The following TCF4 variants were observed in gnomAD, a reference collection of about 807,000 sequenced individuals.
TCF4 encodes the protein transcription factor 4.
Under a neutral mutation model 82.1 loss-of-function variants are expected in TCF4, and 3 were observed. The ratio of observed to expected loss-of-function variants is 0.04; its 90% CI spans 0.02 to 0.09. The LOEUF is 0.09. Ranked by LOEUF, TCF4 falls within the 10% of genes least tolerant of loss-of-function variation. The probability of loss-of-function intolerance (pLI) is 1.00; values close to 1 mark genes in which losing one functional copy is unlikely to be tolerated. For missense variants in TCF4, 518 were observed against 852.7 expected, an observed-to-expected ratio of 0.61 and a Z score of 4.89; for synonymous variants, 276 against 309.6, an observed-to-expected ratio of 0.89 and a Z score of 1.14.
rs748190015 is a variant in TCF4, at chr18:55,227,336, A to G, written c.*699T>C. The G allele has an allele frequency of 6.7e-6, 1 of 150,288 alleles. No individual in the cohort carries two copies. The highest frequency in any genetic ancestry group is 1.5e-5 in the Non-Finnish European group (1 of 67,648). 9.3% of individuals were successfully genotyped at this position (150,288 alleles called of 1,614,324 possible). A position where few individuals can be genotyped will look rare whatever the true frequency, so the allele number is the denominator to read the frequency against. On this transcript the variant is annotated 3_prime_UTR_variant, in exon 20 of 20. Transcript: ENST00000354452. Reference sequence around the variant, plus strand: ...TTTTTTACAGGAGAAAAAAGTCTGAAACAAATGAACAAAAGCTTACCATAG... The same window carrying G: ...TTTTTTACAGGAGAAAAAAGTCTGAGACAAATGAACAAAAGCTTACCATAG...
At chr18:55,459,355 T>A (rs1344011335) in intron 5 of TCF4, among the ~76,000 whole-genome samples, 4 of 152,262 alleles carry the variant, frequency 2.6e-5, no homozygotes, top group African/African-American at 9.6e-5. Flanking sequence ...CTGTTTGTAC[T>A]GCTTGGTGTA....
At chr18:55,338,332 C>T (rs2079086105) in intron 8 of TCF4, among the ~76,000 whole-genome samples, 1 of 152,176 alleles carries the variant, frequency 6.6e-6, no homozygotes, top group Admixed American at 6.5e-5. Context: ...AGAGAGATGG[C>T]AAGCGTGCCA....
chr18:55,597,181 C>A (rs1358895831), intron 2 of TCF4, among the ~76,000 whole-genome samples: 4 of 152,132 alleles, frequency 2.6e-5, no homozygotes, highest in Non-Finnish European at 4.4e-5. Context: ...AATTAAACTT[C>A]TTTTCTTCAT....
chr18:55,359,989 G>T (rs568426568), intron 6 of TCF4, among the ~76,000 whole-genome samples: 108 of 152,282 alleles, frequency 7.1e-4, no homozygotes, highest in African/African-American at 2.6e-3. Context: ...TTCACCCAAA[G>T]GGCCCGGTTC....
At chr18:55,294,706 A>C (rs1380675316) in intron 8 of TCF4, among the ~76,000 whole-genome samples, 3 of 152,206 alleles carry the variant, frequency 2.0e-5, no homozygotes, top group African/African-American at 7.2e-5. Flanking sequence ...CAAGAAACTC[A>C]TCGATGTAGA....
chr18:55,417,410 G>T (rs2094561372), intron 5 of TCF4, among the ~76,000 whole-genome samples: 1 of 152,158 alleles, frequency 6.6e-6, no homozygotes, highest in South Asian at 2.1e-4. Context: ...GTGATCATTG[G>T]ATTAGGGCAT....
chr18:55,254,041 A>G (rs1175899565), intron 15 of TCF4, among the ~76,000 whole-genome samples: 4 of 152,246 alleles, frequency 2.6e-5, no homozygotes, highest in Non-Finnish European at 5.9e-5. Flanking sequence ...ACTATTTGAC[A>G]ATAAAAATGA....
chr18:55,236,474 A>G (rs1356080677), intron 15 of TCF4, among the ~76,000 whole-genome samples: 1 of 150,222 alleles, frequency 6.7e-6, no homozygotes. Context: ...TTTTAAACAT[A>G]TTCAACCCTG....
chr18:55,439,769 C>G (rs535658160), intron 5 of TCF4, among the ~76,000 whole-genome samples: 2 of 152,352 alleles, frequency 1.3e-5, no homozygotes, highest in South Asian at 2.1e-4. Context: ...GTCACCGAGG[C>G]AAGAGTATAA....
intron 6 of TCF4, among the ~76,000 whole-genome samples, chr18:55,403,004 A>C (rs2093911581): frequency 6.6e-6 from 1 of 152,204 alleles, no homozygotes; most frequent in African/African-American, 2.4e-5. Context: ...TTTATCCCTC[A>C]ATACAACCCT....
intron 3 of TCF4, among the ~76,000 whole-genome samples, chr18:55,472,549 A>C (rs1820104912): frequency 6.6e-6 from 1 of 152,196 alleles, no homozygotes; most frequent in Non-Finnish European, 1.5e-5. Flanking sequence ...GCAATATCCT[A>C]CAAATAAGAG....
chr18:55,392,415 T>A (rs1345608103), intron 6 of TCF4, among the ~76,000 whole-genome samples: 1 of 150,174 alleles, frequency 6.7e-6, no homozygotes, highest in East Asian at 2.0e-4. Flanking sequence ...GCCCAGGGGT[T>A]TGAGTCCCAC....
At chr18:55,247,508 CAT>C (rs1172786757) in intron 15 of TCF4, among the ~76,000 whole-genome samples, 1 of 152,160 alleles carries the variant, frequency 6.6e-6, no homozygotes, top group Admixed American at 6.5e-5. Context: ...AAGCATCAAA[CAT>C]AGCAAAACAG....
intron 15 of TCF4, among the ~76,000 whole-genome samples, chr18:55,235,419 G>A (rs1010118061): frequency 6.6e-6 from 1 of 152,008 alleles, no homozygotes; most frequent in South Asian, 2.1e-4. Flanking sequence ...AGGATGTTTG[G>A]ACATTTTTCC....
chr18:55,356,836 A>T (rs1424477382), intron 6 of TCF4, among the ~76,000 whole-genome samples: 1 of 152,222 alleles, frequency 6.6e-6, no homozygotes, highest in Admixed American at 6.5e-5. Flanking sequence ...GTTTGGTTGG[A>T]AATGTACGTA....
intron 3 of TCF4, among the ~76,000 whole-genome samples, chr18:55,464,938 C>T (rs957208690): frequency 1.3e-5 from 2 of 152,156 alleles, no homozygotes; most frequent in African/African-American, 2.4e-5. Flanking sequence ...TCCATCCACG[C>T]TCCAAATGGC....
intron 2 of TCF4, among the ~76,000 whole-genome samples, chr18:55,616,332 G>A (rs991898751): frequency 1.3e-5 from 2 of 151,994 alleles, no homozygotes; most frequent in African/African-American, 4.8e-5. Context: ...AATATTCCAT[G>A]GTGTATATGC....
At chr18:55,265,206 G>C (rs2058859624) in intron 11 of TCF4, 1 of 152,148 alleles carries the variant, frequency 6.6e-6, no homozygotes, top group Non-Finnish European at 1.5e-5. Context: ...CATCATGAAG[G>C]CATCAAAAGA....
chr18:55,510,450 C>G, intron 3 of TCF4: 1 of 623,802 alleles, frequency 1.6e-6, no homozygotes, highest in Non-Finnish European at 2.4e-6. Flanking sequence ...GCATTTCAAC[C>G]TAGAAGCCTT....
Sources: allele counts gnomAD v4.1 joint callset (sites outside exome capture counted in the v4.1 genomes callset), GRCh38; gene constraint gnomAD v4.1.1; transcripts MANE v1.5; gene names NCBI Gene and HGNC (gene_info 2026-07-23, HGNC 2026-07-21).